MPZL3: variants seen among roughly 807,000 people sequenced by gnomAD.
MPZL3 encodes myelin protein zero-like protein 3.
In MPZL3, 23 loss-of-function variants were observed where a neutral mutation model predicts 24.8. That is an observed-to-expected ratio of 0.93 (90% confidence interval 0.67 to 1.31). MPZL3 has a LOEUF of 1.31. Ranked by LOEUF, MPZL3 falls within the 40% of genes most tolerant of loss-of-function variation. The pLI is 0.00. For synonymous variants in MPZL3, 99 were observed against 106.5 expected (o/e 0.93, Z 0.44); for missense variants, 277 against 294.9 (o/e 0.94, Z 0.44).
At chr11:118,250,614 C>T (rs1047529264) in intron 1 of MPZL3, among the ~76,000 whole-genome samples, 1 of 151,950 alleles carries the variant, frequency 6.6e-6, no homozygotes, top group African/African-American at 2.4e-5. Flanking sequence ...GAGTTTCTCT[C>T]TTGTCGCCCA....
intron 4 of MPZL3, among the ~76,000 whole-genome samples, chr11:118,235,017 C>T (rs17121962): frequency 0.056 from 8,529 of 152,174 alleles, 611 homozygotes; most frequent in African/African-American, 0.16. Context: ...CGCTTTTGCC[C>T]TCCACAGCTA....
At chr11:118,237,639 A>G (rs1285543839) in intron 2 of MPZL3, among the ~76,000 whole-genome samples, 1 of 152,146 alleles carries the variant, frequency 6.6e-6, no homozygotes, top group African/African-American at 2.4e-5. Flanking sequence ...TAAACATCCT[A>G]CCATGCACAG....
At chr11:118,248,503 T>C (rs1217007028) in intron 1 of MPZL3, among the ~76,000 whole-genome samples, 1 of 152,206 alleles carries the variant, frequency 6.6e-6, no homozygotes, top group Admixed American at 6.5e-5. Context: ...TCCATATTTA[T>C]GAGCATGATT....
intron 1 of MPZL3, among the ~76,000 whole-genome samples, chr11:118,247,383 G>T (rs1449401991): frequency 6.6e-6 from 1 of 152,046 alleles, no homozygotes. Flanking sequence ...AAAATAAAAG[G>T]TCCACATACA....
chr11:118,229,985 ATG>A (rs1468013701), intron 5 of MPZL3, 65 bp from the exon 6 acceptor site: 8 of 910,604 alleles, frequency 8.8e-6, no homozygotes, highest in Admixed American at 3.6e-5. Flanking sequence ...CAAAGACCAC[ATG>A]TTAGGATCCT....
chr11:118,249,886 A>G (rs185271852), intron 1 of MPZL3, among the ~76,000 whole-genome samples: 1 of 152,316 alleles, frequency 6.6e-6, no homozygotes, highest in East Asian at 1.9e-4. Context: ...ACCAAACTCA[A>G]CCACATAAGA....
chr11:118,251,078 CGT>C (rs3221165), intron 1 of MPZL3, among the ~76,000 whole-genome samples: 16,568 of 144,150 alleles, frequency 0.11, 914 homozygotes, highest in Middle Eastern at 0.17. Flanking sequence ...GAATATTTCT[CGT>C]GTGTGTGTGT....
chr11:118,241,718 C>T (rs1793145), intron 1 of MPZL3, among the ~76,000 whole-genome samples: 110,522 of 152,070 alleles, frequency 0.73, 40,289 homozygotes, highest in South Asian at 0.81. Context: ...TCCACTGCCT[C>T]TACCTCTGCC....
intron 1 of MPZL3, among the ~76,000 whole-genome samples, chr11:118,245,609 T>C (rs189023656): frequency 8.9e-4 from 135 of 152,248 alleles, no homozygotes; most frequent in Non-Finnish European, 1.4e-3. Flanking sequence ...ACCCAAGGGA[T>C]AATGTCAAGG....
intron 1 of MPZL3, among the ~76,000 whole-genome samples, chr11:118,246,220 C>T (rs1227271480): frequency 2.0e-5 from 3 of 152,208 alleles, no homozygotes; most frequent in African/African-American, 7.2e-5. Context: ...AACATGTTTT[C>T]CTTGGACAAT....
At position 118,229,422 on chromosome 11, in the gene MPZL3, A is replaced by G. The variant is rs925841846; in HGVS notation, c.*472T>C. 3.1e-5 allele frequency: 5 copies of G among 159,602 alleles called. No individual in the cohort carries two copies. Among genetic ancestry groups the G allele is most frequent in the African/African-American group, 5.0e-5 (2 of 40,276 alleles). The allele number at this position is 159,602 out of a possible 1,614,324, so 9.9% of individuals were successfully genotyped here. On this transcript the variant is annotated 3_prime_UTR_variant, in exon 6 of 6. Coordinates refer to ENST00000278949, the MANE Select transcript of MPZL3 (RefSeq NM_198275.3). ...TATACTAACTCACAGCTGAAAGTGT[A>G]CATGGAGCAAAAAACAAAGAATACA...
chr11:118,245,823 T>C (rs928572524), intron 1 of MPZL3, among the ~76,000 whole-genome samples: 1 of 152,356 alleles, frequency 6.6e-6, no homozygotes, highest in Admixed American at 6.5e-5. Context: ...CAATGTCTTT[T>C]AAAACAAAGT....
intron 1 of MPZL3, among the ~76,000 whole-genome samples, chr11:118,250,737 C>G (rs188501806): frequency 6.6e-6 from 1 of 152,018 alleles, no homozygotes; most frequent in East Asian, 1.9e-4. Flanking sequence ...CCCGCCACCA[C>G]GCCTGGCTAA....
rs1949475964 is a variant in MPZL3 at position 118,240,244 on chromosome 11, T to G, written c.207A>C (p.Thr69=). Residue 69 remains threonine, a synonymous_variant, in exon 2 of 6, where the codon ACA becomes ACC. Transcript: ENST00000278949. ...DVTDKLTIDW[T]YRPPSSSHTV... ...TGTGGCTGCTGCTGGGAGGGCGATATGTCCAGTCTATAGTAAGTTTGTCAG... is the reference window on the plus strand; with the variant it reads ...TGTGGCTGCTGCTGGGAGGGCGATAGGTCCAGTCTATAGTAAGTTTGTCAG... 1 of 1,575,640 alleles carries G rather than the reference T, an allele frequency of 6.3e-7. No homozygotes were observed. Among genetic ancestry groups the G allele is most frequent in the Non-Finnish European group, 8.6e-7 (1 of 1,166,704 alleles).
intron 5 of MPZL3, among the ~76,000 whole-genome samples, chr11:118,232,164 A>G (rs1280333687): frequency 6.6e-6 from 1 of 152,202 alleles, no homozygotes; most frequent in African/African-American, 2.4e-5. Flanking sequence ...AGAATATGCC[A>G]ATCATGGCCC....
At chr11:118,234,605 G>A (rs2134697262) in intron 4 of MPZL3, among the ~76,000 whole-genome samples, 1 of 152,252 alleles carries the variant, frequency 6.6e-6, no homozygotes, top group Middle Eastern at 3.4e-3. Flanking sequence ...AAAATCATAA[G>A]GGGTTTTGGA....
intron 3 of MPZL3, among the ~76,000 whole-genome samples, 157 bp downstream of exon 3, chr11:118,236,893 A>G (rs1432714482): frequency 6.6e-6 from 1 of 152,238 alleles, no homozygotes; most frequent in Non-Finnish European, 1.5e-5. Flanking sequence ...TCACCCCAAC[A>G]TACATATTGG....
chr11:118,248,831 A>G (rs1949586203), intron 1 of MPZL3, among the ~76,000 whole-genome samples: 2 of 152,226 alleles, frequency 1.3e-5, no homozygotes, highest in Admixed American at 1.3e-4. Flanking sequence ...TTTAAATGGA[A>G]TAAAACCAAC....
At chr11:118,251,928 C>T (rs1565497971) in intron 1 of MPZL3, among the ~76,000 whole-genome samples, 1 of 152,162 alleles carries the variant, frequency 6.6e-6, no homozygotes, top group Non-Finnish European at 1.5e-5. Flanking sequence ...AAAATAACAC[C>T]GGGTGCCCCC....
Sources: gnomAD v4.1 joint callset for allele counts (sites outside exome capture counted in the v4.1 genomes callset) on GRCh38, gnomAD v4.1.1 for gene constraint, MANE v1.5 for transcripts, NCBI Gene and HGNC (gene_info 2026-07-23, HGNC 2026-07-21) for gene names.